Variants in SLIT2 observed in about 807,000 individuals in gnomAD.
SLIT2 encodes the protein slit homolog 2 protein.
SLIT2 carries 41 observed loss-of-function variants against 185.7 expected under a neutral mutation model. The ratio of observed to expected loss-of-function variants is 0.22; its 90% CI spans 0.17 to 0.29. SLIT2 has a LOEUF of 0.29. SLIT2 is among the 10% of genes least tolerant of loss of function. The probability of loss-of-function intolerance (pLI) is 1.00; values close to 1 mark genes in which losing one functional copy is unlikely to be tolerated. For missense variants in SLIT2, 1,571 were observed against 1,909.0 expected, an observed-to-expected ratio of 0.82 and a Z score of 3.30; for synonymous variants, 693 against 680.2, an observed-to-expected ratio of 1.02 and a Z score of -0.29.
chr4:20,554,047 C>T, intron 26 of SLIT2, 79 bp downstream of exon 26: 1 of 1,202,844 alleles, frequency 8.3e-7, no homozygotes, highest in Non-Finnish European at 1.2e-6. Flanking sequence ...AATTGTCAAT[C>T]CAAAGGTATG....
rs1279711592 is a variant in SLIT2 at position 20,542,500 on chromosome 4, A to G, written c.2150A>G (p.Asp717Gly). 4 of 1,613,394 alleles carry G rather than the reference A, an allele frequency of 2.5e-6. No homozygotes were observed. The East Asian group carries it at 6.7e-5, about 27-fold the overall frequency. ...IQDFTCDDGN[D>G]DNSCSPLSRC... ...TATTTCCTCTGCGATTTAGGAAATG[A>G]TGACAATAGTTGCTCCCCACTTTCT... The change falls in exon 21 of 37, where the codon GAT (aspartate) becomes GGT (glycine). Residue 717 changes from aspartate to glycine, a missense_variant. This residue lies in a region of SLIT2 where 1,202 missense variants were observed against 1,416.4 expected (regional missense o/e 0.85). Transcript: ENST00000504154.
At chr4:20,319,744 C>G (rs1053891539) in intron 4 of SLIT2, among the ~76,000 whole-genome samples, 14 of 151,730 alleles carry the variant, frequency 9.2e-5, no homozygotes, top group African/African-American at 2.9e-4. Context: ...TTTCTCAGGA[C>G]TCTTCTGATT....
Position 20,286,300 on chromosome 4 carries a change from C to A in SLIT2, c.395+17419C>A, listed in dbSNP as rs565118386. Among the ~76,000 whole-genome samples, 6 of 152,264 alleles carry A rather than the reference C, an allele frequency of 3.9e-5. No individual in the cohort carries two copies. In the East Asian group the frequency reaches 1.2e-3, roughly 29 times the overall value. On this transcript the variant is annotated intron_variant, in intron 4 of 36. Coordinates refer to ENST00000504154, the MANE Select transcript of SLIT2 (RefSeq NM_004787.4). ...CCTCTCTCCCCCACCCTCATCCCAT[C>A]ATTTTCCAAACTTGAAGTTTAATGT...
chr4:20,586,220 T>C (rs1167163328), intron 29 of SLIT2, among the ~76,000 whole-genome samples: 1 of 152,216 alleles, frequency 6.6e-6, no homozygotes, highest in Non-Finnish European at 1.5e-5. Flanking sequence ...ACATTCATGT[T>C]AATATTTAGT....
Position 20,533,556 on chromosome 4 carries a change from A to G in SLIT2, c.1689-16A>G, listed in dbSNP as rs759975666. ...AGAAATTATTTAAAACCTTTGTTCC[A>G]ACAATTTTTATTTAGAAACTTTAGC... is the stretch of plus-strand genomic sequence containing the variant. On this transcript the variant is annotated splice_polypyrimidine_tract_variant and intron_variant, in intron 17 of 36. Transcript: ENST00000504154. The G allele has an allele frequency of 1.8e-5, 28 of 1,588,170 alleles. No individual in the cohort carries two copies. The East Asian group carries it at 5.8e-4, about 33-fold the overall frequency.
At chr4:20,541,003 C>A (rs748622245) in intron 19 of SLIT2, among the ~76,000 whole-genome samples, 19 of 152,126 alleles carry the variant, frequency 1.2e-4, no homozygotes, top group Non-Finnish European at 2.5e-4. Context: ...CTTGAGATGA[C>A]AAATTAATGA....
At position 20,353,487 on chromosome 4, in the gene SLIT2, A is replaced by T. The variant is rs969000071; in HGVS notation, c.395+84606A>T. 2.0e-5 allele frequency among the ~76,000 whole-genome samples: 3 copies of T among 152,184 alleles called. No homozygotes were observed. The South Asian group carries it at 6.2e-4, about 31-fold the overall frequency. On this transcript the variant is annotated intron_variant, in intron 4 of 36. Transcript: ENST00000504154. ...TATTCTTTATGAATTACATAAACAG[A>T]AAGGCAGGAGCTAGTACAAATAATG...
chr4:20,537,445 C>T (rs555973464), intron 18 of SLIT2, among the ~76,000 whole-genome samples: 95 of 152,144 alleles, frequency 6.2e-4, no homozygotes, highest in Non-Finnish European at 1.0e-3. Context: ...CTTCAAAATA[C>T]GAATTTGAGG....
At position 20,472,277 on chromosome 4, in the gene SLIT2, TATATATATAGATATATAG is replaced by T. The variant is rs1197854812; in HGVS notation, c.467+4462_467+4479del. ...ATAGATCTATATATAGATATATATCTATATATATAGATATATAGATATATAGATCTATATATAGATATA... is the reference window on the plus strand; with the variant it reads ...ATAGATCTATATATAGATATATATCTATATATAGATCTATATATAGATATA... On this transcript the variant is annotated intron_variant, in intron 5 of 36. Transcript: ENST00000504154. Among the ~76,000 whole-genome samples, 195 of 24,642 alleles carry T rather than the reference TATATATATAGATATATAG, an allele frequency of 7.9e-3. 16 individuals are homozygous for T. Among genetic ancestry groups the T allele is most frequent in the East Asian group, 0.056 (25 of 446 alleles). The allele number at this position is 24,642 out of a possible 152,430, so 16.2% of individuals were successfully genotyped here.
chr4:20,614,646 GC>G (rs1729505333), intron 34 of SLIT2, among the ~76,000 whole-genome samples: 1 of 151,712 alleles, frequency 6.6e-6, no homozygotes, highest in African/African-American at 2.4e-5. Context: ...GCGTGGTGGT[GC>G]ATGCCTGTAA....
intron 4 of SLIT2, among the ~76,000 whole-genome samples, chr4:20,345,502 C>T (rs960906389): frequency 5.3e-5 from 8 of 149,822 alleles, no homozygotes; most frequent in Non-Finnish European, 7.4e-5. Context: ...TTTTTTTTTT[C>T]CTTTTTTCTT....
At chr4:20,331,036 A>G (rs1470223085) in intron 4 of SLIT2, among the ~76,000 whole-genome samples, 1 of 152,148 alleles carries the variant, frequency 6.6e-6, no homozygotes, top group African/African-American at 2.4e-5. Flanking sequence ...TCCGTATCTA[A>G]CAAAACTCAG....
chr4:20,570,897 T>C (rs1725549518), intron 29 of SLIT2, among the ~76,000 whole-genome samples: 2 of 151,756 alleles, frequency 1.3e-5, no homozygotes, highest in Admixed American at 1.3e-4. Context: ...TGACTTTAGA[T>C]TTGCTATTCC....
At chr4:20,407,863 A>G (rs957640173) in intron 4 of SLIT2, among the ~76,000 whole-genome samples, 7 of 152,182 alleles carry the variant, frequency 4.6e-5, no homozygotes, top group Middle Eastern at 3.2e-3. Flanking sequence ...AAAGCCAAGG[A>G]CCAAAGATAA....
intron 11 of SLIT2, among the ~76,000 whole-genome samples, chr4:20,517,488 C>T (rs1320599372): frequency 6.6e-6 from 1 of 151,984 alleles, no homozygotes; most frequent in Non-Finnish European, 1.5e-5. Flanking sequence ...CATGCCTTAT[C>T]TTTTCTAATT....
intron 9 of SLIT2, among the ~76,000 whole-genome samples, chr4:20,497,504 A>T (rs920810674): frequency 6.6e-6 from 1 of 152,192 alleles, no homozygotes; most frequent in Non-Finnish European, 1.5e-5. Context: ...AATTTTAAGA[A>T]ACTTACCTAT....
intron 4 of SLIT2, among the ~76,000 whole-genome samples, chr4:20,272,579 A>G (rs1713738446): frequency 6.6e-6 from 1 of 152,158 alleles, no homozygotes; most frequent in Admixed American, 6.5e-5. Context: ...ATCTGGACTC[A>G]TTAAAGAGGA....
chr4:20,337,684 C>G (rs1466094703), intron 4 of SLIT2, among the ~76,000 whole-genome samples: 1 of 152,166 alleles, frequency 6.6e-6, no homozygotes. Context: ...AATACTGACA[C>G]TCCACATAAA....
At chr4:20,514,619 T>G (rs1489456942) in intron 11 of SLIT2, among the ~76,000 whole-genome samples, 1 of 152,138 alleles carries the variant, frequency 6.6e-6, no homozygotes, top group East Asian at 1.9e-4. Context: ...CACTCCAGCC[T>G]GGGCAACCAA....
Sources: allele counts gnomAD v4.1 joint callset (sites outside exome capture counted in the v4.1 genomes callset), GRCh38; gene constraint gnomAD v4.1.1; regional missense constraint gnomAD v4.1.1; transcripts MANE v1.5; gene names NCBI Gene and HGNC (gene_info 2026-07-23, HGNC 2026-07-21).